Variants in ZDHHC11 observed in about 807,000 individuals in gnomAD.
ZDHHC11 encodes zDHHC palmitoyltransferase 11.
ZDHHC11 carries 44 observed loss-of-function variants against 51.3 expected under a neutral mutation model. The observed-to-expected ratio is 0.86, with a 90% CI of 0.67 to 1.10. The LOEUF (loss-of-function observed/expected upper bound fraction) is 1.10, where lower values mean the gene tolerates loss of function less well. Ranked by LOEUF, ZDHHC11 falls within the 50% of genes least tolerant of loss-of-function variation. The pLI, the probability that ZDHHC11 is intolerant of heterozygous loss-of-function variation, is 0.00. For synonymous variants in ZDHHC11, 163 were observed against 222.0 expected, an observed-to-expected ratio of 0.73 and a Z score of 2.36; for missense variants, 400 against 537.7, an observed-to-expected ratio of 0.74 and a Z score of 2.53.
upstream of ZDHHC11, among the ~76,000 whole-genome samples, chr5:854,256 T>C (rs1309309166): frequency 4.6e-5 from 5 of 109,468 alleles, no homozygotes; most frequent in South Asian, 3.2e-4. Flanking sequence ...GCAGTGTGGA[T>C]AGACCCCACC....
Position 850,657 on chromosome 5 carries a change from C to A in ZDHHC11, c.-55G>T. The A allele has an allele frequency of 1.3e-6, 2 of 1,586,368 alleles. No homozygotes were observed. Among genetic ancestry groups the A allele is most frequent in the Non-Finnish European group, 1.7e-6 (2 of 1,169,224 alleles). On this transcript the variant is annotated 5_prime_UTR_variant, in exon 1 of 13. Transcript: ENST00000283441. Reference sequence around the variant, plus strand: ...CCGTCAGATCCTGGGAGGGCCGGCCCCGCCCACTGTCACAGAGACCAAGGG... The same window carrying A: ...CCGTCAGATCCTGGGAGGGCCGGCCACGCCCACTGTCACAGAGACCAAGGG...
chr5:817,380 G>A (rs1740944576), intron 10 of ZDHHC11, among the ~76,000 whole-genome samples: 1 of 151,324 alleles, frequency 6.6e-6, no homozygotes. Flanking sequence ...ATTTCCATAT[G>A]TGTTTCCTTG....
chr5:859,193 G>A (rs542542166), upstream of ZDHHC11, among the ~76,000 whole-genome samples: 312 of 152,184 alleles, frequency 2.1e-3, 1 homozygote, highest in African/African-American at 6.8e-3. Context: ...AAAACAGGAC[G>A]TACTAGGCCC....
intron 11 of ZDHHC11, among the ~76,000 whole-genome samples, chr5:808,027 T>G (rs1290730930): frequency 6.6e-6 from 1 of 150,514 alleles, no homozygotes; most frequent in African/African-American, 2.5e-5. Context: ...AGACTCTCAG[T>G]GATTGTGGCC....
intron 9 of ZDHHC11, among the ~76,000 whole-genome samples, chr5:820,721 T>C (rs770416597): frequency 6.6e-6 from 1 of 151,488 alleles, no homozygotes; most frequent in Non-Finnish European, 1.5e-5. Flanking sequence ...TTGAATTTCA[T>C]GTGTCTAGGA....
At chr5:803,812 T>A (rs1460030950) in intron 11 of ZDHHC11, among the ~76,000 whole-genome samples, 1 of 150,484 alleles carries the variant, frequency 6.6e-6, no homozygotes, top group Non-Finnish European at 1.5e-5. Flanking sequence ...AATTATATAT[T>A]TTTTAAAAAC....
At chr5:825,500 C>G (rs1193506636) in intron 7 of ZDHHC11, among the ~76,000 whole-genome samples, 2 of 152,110 alleles carry the variant, frequency 1.3e-5, no homozygotes, top group Admixed American at 1.3e-4. Context: ...AGCAGTCCCT[C>G]CACCCACCGT....
At chr5:855,615 C>T (rs1177978080), upstream of ZDHHC11, among the ~76,000 whole-genome samples, 2 of 147,440 alleles carry the variant, frequency 1.4e-5, no homozygotes, top group African/African-American at 2.5e-5. Context: ...CGGGGACAGA[C>T]CCCACCGAGG....
intron 11 of ZDHHC11, among the ~76,000 whole-genome samples, chr5:804,326 A>G (rs539521560): frequency 1.3e-5 from 2 of 151,446 alleles, no homozygotes; most frequent in East Asian, 1.9e-4. Flanking sequence ...ATGTACAGGA[A>G]AAAACATAGT....
At chr5:802,220 G>A (rs1348501667) in intron 11 of ZDHHC11, among the ~76,000 whole-genome samples, 2 of 151,150 alleles carry the variant, frequency 1.3e-5, no homozygotes, top group African/African-American at 2.4e-5. Flanking sequence ...GGCAACAATG[G>A]GAGTGTCTGC....
chr5:853,259 G>C (rs925418420), upstream of ZDHHC11, among the ~76,000 whole-genome samples: 12 of 149,170 alleles, frequency 8.0e-5, no homozygotes, highest in African/African-American at 3.0e-4. Flanking sequence ...GTGAGCAGCG[G>C]GCACAGACCC....
rs202068368 is a variant in ZDHHC11, at chr5:803,381, A to ATGAAC, written c.1182-2218_1182-2217insGTTCA. On this transcript the variant is annotated intron_variant, in intron 11 of 12. Transcript: ENST00000283441. ...CTAGATATTTGAGGAAATCTTTGAT[A>ATGAAC]GTTCACTAACTGGTCATAGAGATAA... 7.7e-3 allele frequency among the ~76,000 whole-genome samples: 1,170 copies of ATGAAC among 151,452 alleles called. 49 individuals carry two copies. The highest frequency in any genetic ancestry group is 0.011 in the Non-Finnish European group (750 of 67,694).
intron 7 of ZDHHC11, among the ~76,000 whole-genome samples, chr5:829,373 G>A (rs1208886720): frequency 2.0e-5 from 3 of 151,786 alleles, no homozygotes; most frequent in African/African-American, 4.8e-5. Flanking sequence ...TATGAACACC[G>A]TTATGCACAC....
intron 3 of ZDHHC11, among the ~76,000 whole-genome samples, chr5:844,547 G>A (rs1366281418): frequency 6.6e-6 from 1 of 152,300 alleles, no homozygotes; most frequent in African/African-American, 2.4e-5. Context: ...CACTCGGGGG[G>A]CCCTGAGCAT....
chr5:852,390 A>C (rs1747357243), upstream of ZDHHC11, among the ~76,000 whole-genome samples: 1 of 152,254 alleles, frequency 6.6e-6, no homozygotes. Flanking sequence ...GAACTTTGAG[A>C]AGACTGAAGA....
rs1561307204 is a variant in ZDHHC11 at position 850,388 on chromosome 5, G to A, written c.215C>T (p.Ala72Val). The A allele has an allele frequency of 2.5e-6, 4 of 1,613,620 alleles. No individual in the cohort carries two copies. The highest frequency in any genetic ancestry group is 3.4e-6 in the Non-Finnish European group (4 of 1,180,008). ...PFLPHAWKYI[A>V]YVVTGGIFSF... is the part of the protein sequence containing the mutation. ...CCACGATGAAAAGGATACCACGTAG[G>A]CAATGTATTTCCACGCGTGAGGCAG... is the stretch of plus-strand genomic sequence containing the variant. Residue 72 changes from alanine (A) to valine (V), a missense_variant, in exon 1 of 13, where the codon GCC becomes GTC. Around this residue, in one of 5 missense-constraint regions of ZDHHC11, gnomAD observed 119 missense variants for 99.6 expected, o/e 1.20. Coordinates refer to ENST00000283441, the MANE Select transcript of ZDHHC11 (RefSeq NM_024786.3).
chr5:840,861 A>T, intron 4 of ZDHHC11: 1 of 1,449,248 alleles, frequency 6.9e-7, no homozygotes, highest in Non-Finnish European at 9.1e-7. Context: ...TGCTTTATGG[A>T]TCTGGGAGGT....
intron 12 of ZDHHC11, among the ~76,000 whole-genome samples, chr5:797,884 C>T (rs1439638993): frequency 4.6e-5 from 7 of 150,564 alleles, no homozygotes; most frequent in African/African-American, 1.2e-4. Flanking sequence ...AGGTTTGTTA[C>T]TCAGAAGGAA....
At position 850,340 on chromosome 5, in the gene ZDHHC11, G is replaced by C. The variant is rs1746987052; in HGVS notation, c.222+41C>G. The C allele has an allele frequency of 2.5e-6, 4 of 1,595,378 alleles. No individual in the cohort carries two copies. The East Asian group carries it at 9.1e-5, about 36-fold the overall frequency. Reference sequence around the variant, plus strand: ...CCAGGTCCATCGCAAGTTCCTCCAGGAACCCCTCCCGCTTAGACCATGCCA... The same window carrying C: ...CCAGGTCCATCGCAAGTTCCTCCAGCAACCCCTCCCGCTTAGACCATGCCA... On this transcript the variant is annotated intron_variant, in intron 1 of 12. Coordinates refer to ENST00000283441, the MANE Select transcript of ZDHHC11 (RefSeq NM_024786.3).
Sources: allele counts gnomAD v4.1 joint callset (sites outside exome capture counted in the v4.1 genomes callset), GRCh38; gene constraint gnomAD v4.1.1; regional missense constraint gnomAD v4.1.1; transcripts MANE v1.5; gene names NCBI Gene and HGNC (gene_info 2026-07-23, HGNC 2026-07-21).